The following DNAH8 variants were observed in gnomAD, a reference collection of about 807,000 sequenced individuals.
DNAH8 encodes axonemal beta dynein heavy chain 8.
Under a neutral mutation model 562.1 loss-of-function variants are expected in DNAH8, and 382 were observed. That is an observed-to-expected ratio of 0.68 (90% CI 0.63 to 0.74). DNAH8 has a LOEUF of 0.74. Among genes scored for constraint, DNAH8 ranks in the 30% least tolerant of loss-of-function variants. The pLI, the probability that DNAH8 is intolerant of heterozygous loss-of-function variation, is 0.00. For synonymous variants in DNAH8, 1,881 were observed against 1,919.4 expected (o/e 0.98, Z 0.52); for missense variants, 5,203 against 5,620.4 (o/e 0.93, Z 2.37).
At chr6:38,862,909 A>C (rs369135866) in intron 44 of DNAH8, among the ~76,000 whole-genome samples, 150 of 152,300 alleles carry the variant, frequency 9.8e-4, no homozygotes, top group African/African-American at 3.5e-3. Flanking sequence ...CAGAGAAAAA[A>C]ATATTTGAAG....
intron 88 of DNAH8, among the ~76,000 whole-genome samples, chr6:39,003,658 C>G (rs1765621182): frequency 6.6e-6 from 1 of 152,054 alleles, no homozygotes; most frequent in African/African-American, 2.4e-5. Flanking sequence ...CTATAATCCC[C>G]CAATGACACC....
intron 59 of DNAH8, 50 bp downstream of exon 59, chr6:38,894,914 C>T (rs1188474206): frequency 2.0e-6 from 3 of 1,518,488 alleles, no homozygotes; most frequent in East Asian, 2.4e-5. Context: ...GAAGTTTATA[C>T]TACTTGGTTA....
At chr6:38,890,519 T>C (rs574378141) in intron 57 of DNAH8, 133 bp from the exon 58 acceptor site, 17 of 674,080 alleles carry the variant, frequency 2.5e-5, no homozygotes, top group African/African-American at 1.8e-4. Flanking sequence ...ACTCCCAGTC[T>C]TAGCTGATCC....
chr6:38,802,942 G>A (rs1334626181), intron 21 of DNAH8, among the ~76,000 whole-genome samples: 4 of 152,190 alleles, frequency 2.6e-5, no homozygotes, highest in Non-Finnish European at 4.4e-5. Context: ...GTGTGATTGA[G>A]TCAGGGATAG....
At chr6:38,795,826 T>C (rs1770202798) in intron 21 of DNAH8, among the ~76,000 whole-genome samples, 1 of 152,156 alleles carries the variant, frequency 6.6e-6, no homozygotes, top group South Asian at 2.1e-4. Flanking sequence ...ATATGTAACA[T>C]TAATTTTTTG....
chr6:38,879,949 G>T (rs1380230550), intron 53 of DNAH8, among the ~76,000 whole-genome samples: 6 of 152,070 alleles, frequency 3.9e-5, no homozygotes, highest in Non-Finnish European at 8.8e-5. Context: ...AAAATAGAAC[G>T]CAAGGCTGGG....
At chr6:38,979,636 T>C (rs1446539762) in intron 85 of DNAH8, among the ~76,000 whole-genome samples, 1 of 152,202 alleles carries the variant, frequency 6.6e-6, no homozygotes, top group Non-Finnish European at 1.5e-5. Flanking sequence ...AAAAAGTAAA[T>C]GCTTTAGATG....
At chr6:39,003,743 A>G (rs546500965) in intron 88 of DNAH8, among the ~76,000 whole-genome samples, 1 of 152,268 alleles carries the variant, frequency 6.6e-6, no homozygotes, top group Non-Finnish European at 1.5e-5. Context: ...CTTTACTAGG[A>G]TTTATTATTA....
intron 25 of DNAH8, among the ~76,000 whole-genome samples, 192 bp from the exon 26 acceptor site, chr6:38,815,276 C>T (rs998638409): frequency 6.6e-6 from 1 of 152,124 alleles, no homozygotes; most frequent in African/African-American, 2.4e-5. Flanking sequence ...TTGCAGGAAT[C>T]GATAGCGGGA....
chr6:38,834,211 TG>T (rs1484134495), intron 31 of DNAH8, among the ~76,000 whole-genome samples: 6 of 152,188 alleles, frequency 3.9e-5, no homozygotes, highest in African/African-American at 1.4e-4. Context: ...GCAGAGCCCT[TG>T]GGGTACACAC....
At chr6:39,020,010 T>A (rs1376020936) in intron 91 of DNAH8, among the ~76,000 whole-genome samples, 1 of 151,994 alleles carries the variant, frequency 6.6e-6, no homozygotes, top group African/African-American at 2.4e-5. Context: ...GAGGGAACAT[T>A]GGAAAGGTTT....
Position 38,898,230 on chromosome 6 carries a change from A to AT in DNAH8, c.8941-21dup, listed in dbSNP as rs769527833. 53 of 1,559,858 alleles carry AT rather than the reference A, an allele frequency of 3.4e-5. No individual in the cohort carries two copies. The Middle Eastern group carries it at 1.9e-3, about 55-fold the overall frequency. ...AATACATACTTGGATCTTAAATATT[A>AT]TTTTTTTATCTTTCTCTCCACCCAT... On this transcript the variant is annotated intron_variant, in intron 60 of 92. Transcript: ENST00000327475.
chr6:38,736,128 A>T (rs949998582), intron 5 of DNAH8, among the ~76,000 whole-genome samples: 1 of 151,306 alleles, frequency 6.6e-6, no homozygotes, highest in African/African-American at 2.4e-5. Context: ...ACAGAGTGAG[A>T]GAAAAAAAAA....
intron 8 of DNAH8, among the ~76,000 whole-genome samples, chr6:38,742,400 C>T (rs954372127): frequency 1.3e-5 from 2 of 152,042 alleles, no homozygotes; most frequent in Non-Finnish European, 2.9e-5. Flanking sequence ...CAGGCTCAAG[C>T]GATTATCTTG....
chr6:38,981,027 C>CTG (rs1469067910), intron 85 of DNAH8, among the ~76,000 whole-genome samples: 2 of 72,060 alleles, frequency 2.8e-5, no homozygotes, highest in African/African-American at 1.1e-4. Flanking sequence ...GTGAAAACGG[C>CTG]AGTGTGTGTG....
chr6:38,878,736 T>A (rs1778217215), intron 53 of DNAH8, among the ~76,000 whole-genome samples: 1 of 152,176 alleles, frequency 6.6e-6, no homozygotes, highest in African/African-American at 2.4e-5. Context: ...GACAAATTTC[T>A]TGAAAGATAT....
intron 12 of DNAH8, among the ~76,000 whole-genome samples, chr6:38,772,807 T>A (rs1013402865): frequency 5.9e-5 from 9 of 151,774 alleles, no homozygotes; most frequent in South Asian, 2.1e-4. Context: ...TAGATTTTTT[T>A]AAACATTTTT....
chr6:38,940,931 C>CTGAACCACA (rs55709431), intron 79 of DNAH8, among the ~76,000 whole-genome samples: 1 of 151,570 alleles, frequency 6.6e-6, no homozygotes. Flanking sequence ...TCCTGGTCAC[C>CTGAACCACA]GGTTTAGGTG....
intron 82 of DNAH8, among the ~76,000 whole-genome samples, chr6:38,958,689 CATT>C (rs1762425478): frequency 6.9e-6 from 1 of 144,540 alleles, no homozygotes; most frequent in Non-Finnish European, 1.5e-5. Flanking sequence ...CTGATGGCTT[CATT>C]ATGGAATTCT....
Sources: gnomAD v4.1 joint callset for allele counts (sites outside exome capture counted in the v4.1 genomes callset) on GRCh38, gnomAD v4.1.1 for gene constraint, MANE v1.5 for transcripts, NCBI Gene and HGNC (gene_info 2026-07-23, HGNC 2026-07-21) for gene names.